FRMD4A: variants seen among roughly 807,000 people sequenced by gnomAD.
FRMD4A encodes the protein FERM domain-containing protein 4A.
A neutral mutation model predicts 129.1 loss-of-function variants in FRMD4A; 29 were observed. That is an observed-to-expected ratio of 0.22 (90% CI 0.17 to 0.31). The LOEUF (loss-of-function observed/expected upper bound fraction) is 0.31. Ranked by LOEUF, FRMD4A falls within the 10% of genes least tolerant of loss-of-function variation. The pLI is 1.00. For missense variants in FRMD4A, 1,272 were observed against 1,375.8 expected, an observed-to-expected ratio of 0.92 and a Z score of 1.19; for synonymous variants, 634 against 571.6, an observed-to-expected ratio of 1.11 and a Z score of -1.56.
At chr10:13,719,114 C>T (rs7908582) in intron 12 of FRMD4A, among the ~76,000 whole-genome samples, 4,678 of 152,230 alleles carry the variant, frequency 0.031, 238 homozygotes, top group African/African-American at 0.1. Context: ...GTCTGCTCGA[C>T]TCCATGCTAT....
intron 2 of FRMD4A, among the ~76,000 whole-genome samples, chr10:14,258,102 T>C (rs1844678645): frequency 6.6e-6 from 1 of 152,020 alleles, no homozygotes; most frequent in South Asian, 2.1e-4. Context: ...ATAAAAATCT[T>C]AGTGACCTTG....
intron 8 of FRMD4A, among the ~76,000 whole-genome samples, chr10:13,754,024 A>T (rs1463130839): frequency 3.3e-5 from 5 of 152,206 alleles, no homozygotes; most frequent in African/African-American, 1.2e-4. Context: ...ATTTCAGGCA[A>T]ATAATTTTCT....
intron 3 of FRMD4A, among the ~76,000 whole-genome samples, chr10:13,834,818 C>T (rs1430242225): frequency 6.6e-6 from 1 of 152,184 alleles, no homozygotes; most frequent in Non-Finnish European, 1.5e-5. Flanking sequence ...GACAGAGGCA[C>T]ATGGCTTTTT....
chr10:13,773,311 G>T (rs2130745407), intron 6 of FRMD4A, among the ~76,000 whole-genome samples: 1 of 152,282 alleles, frequency 6.6e-6, no homozygotes, highest in Admixed American at 6.5e-5. Context: ...GTCCACGCTG[G>T]AGACTTTCTC....
At chr10:13,679,474 T>TATATATATACACACACAC (rs1308155926) in intron 15 of FRMD4A, among the ~76,000 whole-genome samples, 8 of 31,488 alleles carry the variant, frequency 2.5e-4, no homozygotes, top group Non-Finnish European at 3.6e-4. Flanking sequence ...TATATATATA[T>TATATATATACACACACAC]ACACACACAC....
intron 2 of FRMD4A, among the ~76,000 whole-genome samples, chr10:14,160,492 T>C (rs1237190502): frequency 2.0e-5 from 3 of 151,726 alleles, no homozygotes; most frequent in African/African-American, 7.3e-5. Context: ...CTCAACAGAG[T>C]GGAGAGACAC....
At chr10:13,884,027 A>T (rs913270087) in intron 2 of FRMD4A, among the ~76,000 whole-genome samples, 1 of 151,906 alleles carries the variant, frequency 6.6e-6, no homozygotes, top group Non-Finnish European at 1.5e-5. Flanking sequence ...GCAAATTGAC[A>T]CGTTGACTTC....
chr10:14,228,075 T>C (rs1291106868), intron 2 of FRMD4A, among the ~76,000 whole-genome samples: 1 of 152,178 alleles, frequency 6.6e-6, no homozygotes, highest in Non-Finnish European at 1.5e-5. Context: ...GGTTTCACCA[T>C]GTTGGCCAGG....
chr10:14,290,169 A>C (rs1845807028), intron 2 of FRMD4A, among the ~76,000 whole-genome samples: 1 of 152,070 alleles, frequency 6.6e-6, no homozygotes, highest in Admixed American at 6.6e-5. Flanking sequence ...GCCACCTATA[A>C]ATTTATTGCA....
intron 3 of FRMD4A, among the ~76,000 whole-genome samples, chr10:13,841,545 C>T (rs916067118): frequency 3.3e-5 from 5 of 152,200 alleles, no homozygotes; most frequent in African/African-American, 9.7e-5. Context: ...ATCATGCCTA[C>T]ATAATGAAAC....
chr10:14,185,418 T>G lies in FRMD4A; in HGVS notation c.45+144640A>C, dbSNP rs137899617. 1.2e-4 allele frequency among the ~76,000 whole-genome samples: 19 copies of G among 152,244 alleles called. 1 individual carries two copies. Among genetic ancestry groups the G allele is most frequent in the South Asian group, 8.3e-4 (4 of 4,820 alleles). ...ATGAAAAAATCTACCACCCTAAGCG[T>G]AAGGAGAGCTAGTACAGATGAGGAT... On this transcript the variant is annotated intron_variant, in intron 2 of 24. Transcript: ENST00000357447.
At chr10:14,133,496 A>G (rs1458748468) in intron 2 of FRMD4A, among the ~76,000 whole-genome samples, 5 of 152,172 alleles carry the variant, frequency 3.3e-5, no homozygotes, top group Admixed American at 2.0e-4. Context: ...AAGCAGGACT[A>G]CACCCACTTG....
intron 2 of FRMD4A, among the ~76,000 whole-genome samples, chr10:13,911,940 T>A (rs189746970): frequency 7.9e-5 from 12 of 152,194 alleles, no homozygotes; most frequent in African/African-American, 2.6e-4. Flanking sequence ...GCCCACATAT[T>A]TATGGGGTCT....
At chr10:14,034,972 T>A (rs1347398362) in intron 2 of FRMD4A, among the ~76,000 whole-genome samples, 2 of 152,176 alleles carry the variant, frequency 1.3e-5, no homozygotes, top group Non-Finnish European at 2.9e-5. Context: ...TGGGTTCAGT[T>A]TCCTCATGTG....
At chr10:13,687,254 C>A (rs752545374) in intron 15 of FRMD4A, among the ~76,000 whole-genome samples, 3 of 152,128 alleles carry the variant, frequency 2.0e-5, no homozygotes, top group Non-Finnish European at 2.9e-5. Context: ...CGAGATCATG[C>A]CACTGCACTC....
At chr10:13,891,861 C>A in intron 2 of FRMD4A, 1 of 460,862 alleles carries the variant, frequency 2.2e-6, no homozygotes, top group Non-Finnish European at 2.8e-6. Context: ...CCAGTGAGCC[C>A]CGCCGCCGGC....
chr10:14,051,646 A>T (rs1017762461), intron 2 of FRMD4A, among the ~76,000 whole-genome samples: 2 of 152,202 alleles, frequency 1.3e-5, no homozygotes, highest in African/African-American at 4.8e-5. Context: ...CAGCAGTGAC[A>T]GGTGACAGGC....
At chr10:13,659,223 C>T (rs2082431193) in intron 21 of FRMD4A, 100 bp downstream of exon 21, 4 of 1,061,894 alleles carry the variant, frequency 3.8e-6, no homozygotes, top group Non-Finnish European at 5.8e-6. Context: ...AGGTTCAGGT[C>T]TGACTGTAGC....
intron 9 of FRMD4A, among the ~76,000 whole-genome samples, chr10:13,743,263 C>T (rs950734647): frequency 1.1e-4 from 17 of 152,156 alleles, no homozygotes; most frequent in South Asian, 6.2e-4. Flanking sequence ...GCATGCTCCC[C>T]AAGGGCAGGC....
Sources: gnomAD v4.1 joint callset for allele counts (sites outside exome capture counted in the v4.1 genomes callset) on GRCh38, gnomAD v4.1.1 for gene constraint, MANE v1.5 for transcripts, NCBI Gene and HGNC (gene_info 2026-07-23, HGNC 2026-07-21) for gene names.